Variants in MED13L observed in about 807,000 individuals in gnomAD.
MED13L encodes mediator of RNA polymerase II transcription subunit 13-like.
In MED13L, 7 loss-of-function variants were observed where a neutral mutation model predicts 220.9. The ratio of observed to expected loss-of-function variants is 0.03; its 90% confidence interval spans 0.02 to 0.06. The LOEUF (loss-of-function observed/expected upper bound fraction) is 0.06, where lower values mean the gene tolerates loss of function less well. Ranked by LOEUF, MED13L falls within the 10% of genes least tolerant of loss-of-function variation. MED13L has a pLI of 1.00. For missense variants in MED13L, 1,965 were observed against 2,760.5 expected (o/e 0.71, Z 6.46); for synonymous variants, 1,011 against 1,015.2 (o/e 1.00, Z 0.08).
At chr12:116,170,251 T>C (rs561885796) in intron 2 of MED13L, among the ~76,000 whole-genome samples, 2 of 152,326 alleles carry the variant, frequency 1.3e-5, no homozygotes, top group Non-Finnish European at 2.9e-5. Context: ...TGAGAAGTTA[T>C]CAGCTCACAG....
intron 2 of MED13L, among the ~76,000 whole-genome samples, chr12:116,212,573 T>C (rs1882763891): frequency 6.6e-6 from 1 of 152,164 alleles, no homozygotes; most frequent in Non-Finnish European, 1.5e-5. Flanking sequence ...ATTCCATAAA[T>C]ACAGCACATA....
At chr12:116,031,685 GAAA>G (rs1234382778) in intron 4 of MED13L, among the ~76,000 whole-genome samples, 1 of 32,980 alleles carries the variant, frequency 3.0e-5, no homozygotes, top group Non-Finnish European at 7.5e-5. Flanking sequence ...AAAAAGAAAA[GAAA>G]AGAAAAGAAA....
At chr12:116,116,978 C>T (rs919962601) in intron 2 of MED13L, among the ~76,000 whole-genome samples, 2 of 150,770 alleles carry the variant, frequency 1.3e-5, no homozygotes, top group Admixed American at 1.3e-4. Flanking sequence ...TCCTACTGTA[C>T]TCTCACAACA....
chr12:116,102,705 TTTTTC>T lies in MED13L; in HGVS notation c.396-5958_396-5954del, dbSNP rs1439080926. ...CCCTATATTTTCTTTTTCTTTTTCTTTTTTCTTTTTTTTTTTTTTTTTTTTTTTTT... is the reference window on the plus strand; with the variant it reads ...CCCTATATTTTCTTTTTCTTTTTCTTTTTTTTTTTTTTTTTTTTTTTTTTT... On this transcript the variant is annotated intron_variant, in intron 3 of 30. Coordinates refer to ENST00000281928, the MANE Select transcript of MED13L (RefSeq NM_015335.5). 1.4e-3 allele frequency among the ~76,000 whole-genome samples: 126 copies of T among 89,288 alleles called. 3 individuals carry two copies. The highest frequency in any genetic ancestry group is 2.8e-3 in the African/African-American group (65 of 23,636). 58.6% of individuals were successfully genotyped at this position (89,288 alleles called of 152,430 possible).
intron 4 of MED13L, among the ~76,000 whole-genome samples, chr12:116,055,004 T>C (rs1412143185): frequency 6.6e-6 from 1 of 152,132 alleles, no homozygotes; most frequent in Non-Finnish European, 1.5e-5. Context: ...AAAAACAAAC[T>C]GCAACTATAC....
chr12:116,099,755 G>A (rs1200839286), intron 3 of MED13L, among the ~76,000 whole-genome samples: 1 of 152,212 alleles, frequency 6.6e-6, no homozygotes, highest in Non-Finnish European at 1.5e-5. Flanking sequence ...GCAGTGCACA[G>A]TCAAGACCAC....
chr12:116,223,398 A>G (rs1049531489), intron 2 of MED13L, among the ~76,000 whole-genome samples: 19 of 152,274 alleles, frequency 1.2e-4, no homozygotes, highest in African/African-American at 4.6e-4. Context: ...AAAAAATTCA[A>G]CTACAGACTA....
intron 1 of MED13L, among the ~76,000 whole-genome samples, chr12:116,261,972 T>C (rs1026087010): frequency 3.9e-5 from 6 of 152,198 alleles, no homozygotes; most frequent in Non-Finnish European, 5.9e-5. Context: ...CACATGGGTT[T>C]TCTCTCTAAA....
At chr12:116,152,554 G>A (rs1432366662) in intron 2 of MED13L, among the ~76,000 whole-genome samples, 1 of 152,070 alleles carries the variant, frequency 6.6e-6, no homozygotes, top group Non-Finnish European at 1.5e-5. Flanking sequence ...TCCCTGCACT[G>A]TCAGAAGACC....
chr12:116,006,499 A>C, intron 11 of MED13L, 88 bp from the exon 12 acceptor site: 1 of 1,037,186 alleles, frequency 9.6e-7, no homozygotes, highest in Admixed American at 1.8e-5. Context: ...TAGAGGGTAG[A>C]ATGGAACTTG....
At chr12:116,126,940 T>C (rs1243906406) in intron 2 of MED13L, among the ~76,000 whole-genome samples, 2 of 152,216 alleles carry the variant, frequency 1.3e-5, no homozygotes, top group Admixed American at 6.5e-5. Flanking sequence ...ATCAGTTTGA[T>C]AGGCAGGCCT....
In MED13L at chr12:116,194,224, G is replaced by A. The variant is rs192806379; in HGVS notation, c.310+43244C>T. Among the ~76,000 whole-genome samples the A allele has an allele frequency of 1.5e-3, 222 of 151,988 alleles. 1 individual carries two copies. Among genetic ancestry groups the A allele is most frequent in the African/African-American group, 5.0e-3 (208 of 41,456 alleles). On this transcript the variant is annotated intron_variant, in intron 2 of 30. Transcript: ENST00000281928. Reference sequence around the variant, plus strand: ...CTTTTTGTCCAACCTGGAGTGCAATGGTGCAACCTCGGCTCGTCGCAACCT... The same window carrying A: ...CTTTTTGTCCAACCTGGAGTGCAATAGTGCAACCTCGGCTCGTCGCAACCT...
At chr12:116,067,961 AGAT>A (rs1176347670) in intron 4 of MED13L, among the ~76,000 whole-genome samples, 12 of 152,240 alleles carry the variant, frequency 7.9e-5, no homozygotes, top group Non-Finnish European at 1.8e-4. Flanking sequence ...TTGGACAGAA[AGAT>A]GATATGTGAA....
At chr12:115,992,088 A>T in intron 16 of MED13L, 131 bp from the exon 17 acceptor site, 1 of 827,596 alleles carries the variant, frequency 1.2e-6, no homozygotes, top group Non-Finnish European at 2.0e-6. Context: ...ATACACTGGT[A>T]TATTTAATTT....
intron 2 of MED13L, among the ~76,000 whole-genome samples, chr12:116,140,912 C>T (rs780885134): frequency 6.6e-6 from 1 of 152,186 alleles, no homozygotes; most frequent in Non-Finnish European, 1.5e-5. Context: ...CTTTGTTAGA[C>T]TATAAATTCC....
chr12:116,226,938 G>A (rs531028357), intron 2 of MED13L, among the ~76,000 whole-genome samples: 10 of 148,504 alleles, frequency 6.7e-5, no homozygotes, highest in Non-Finnish European at 1.0e-4. Context: ...AAATATTTAC[G>A]TGTTATTTCT....
At chr12:116,036,664 G>C (rs1881214817) in intron 4 of MED13L, among the ~76,000 whole-genome samples, 1 of 152,118 alleles carries the variant, frequency 6.6e-6, no homozygotes, top group Admixed American at 6.5e-5. Flanking sequence ...AATTTTCAAA[G>C]TTGCCATTAA....
At chr12:116,010,816 T>TA (rs1224401579) in intron 9 of MED13L, among the ~76,000 whole-genome samples, 1 of 151,540 alleles carries the variant, frequency 6.6e-6, no homozygotes, top group African/African-American at 2.4e-5. Context: ...AAAATTGTGA[T>TA]AAAAATGACC....
At chr12:116,012,929 TG>T in intron 8 of MED13L, 28 bp from the exon 9 acceptor site, 4 of 1,513,676 alleles carry the variant, frequency 2.6e-6, no homozygotes, top group Non-Finnish European at 3.7e-6. Flanking sequence ...GTGACTTATG[TG>T]TGAACATAAT....
Sources: gnomAD v4.1 joint callset for allele counts (sites outside exome capture counted in the v4.1 genomes callset) on GRCh38, gnomAD v4.1.1 for gene constraint, MANE v1.5 for transcripts, NCBI Gene and HGNC (gene_info 2026-07-23, HGNC 2026-07-21) for gene names.